The following GALNTL6 variants were observed in gnomAD, a reference collection of about 807,000 sequenced individuals.
The protein encoded by GALNTL6 is polypeptide N-acetylgalactosaminyltransferase like 6, also known as polypeptide N-acetylgalactosaminyltransferase-like 6.
In GALNTL6, 46 loss-of-function variants were observed where a neutral mutation model predicts 73.7. The observed-to-expected ratio is 0.62, with a 90% CI of 0.49 to 0.80. GALNTL6 has a LOEUF of 0.80. Among genes scored for constraint, GALNTL6 ranks in the 30% least tolerant of loss-of-function variants. GALNTL6 has a pLI of 0.00. For synonymous variants in GALNTL6, 259 were observed against 263.7 expected, an observed-to-expected ratio of 0.98 and a Z score of 0.17; for missense variants, 604 against 755.0, an observed-to-expected ratio of 0.80 and a Z score of 2.34.
At chr4:172,340,495 C>T (rs910933080) in intron 4 of GALNTL6, among the ~76,000 whole-genome samples, 11 of 151,990 alleles carry the variant, frequency 7.2e-5, no homozygotes, top group South Asian at 2.1e-4. Context: ...ATCAGGGTAG[C>T]GCTGGCCTCA....
intron 5 of GALNTL6, among the ~76,000 whole-genome samples, chr4:172,398,491 T>G (rs143950677): frequency 6.6e-6 from 1 of 152,310 alleles, no homozygotes; most frequent in Non-Finnish European, 1.5e-5. Context: ...TTTAATCCGT[T>G]AGAGACCGGC....
At chr4:172,503,232 T>A (rs1263500558) in intron 5 of GALNTL6, among the ~76,000 whole-genome samples, 1 of 152,080 alleles carries the variant, frequency 6.6e-6, no homozygotes, top group Admixed American at 6.6e-5. Flanking sequence ...AATTGGCCAT[T>A]AGCTTTAAAG....
chr4:172,707,515 A>G (rs1012542422), intron 5 of GALNTL6, among the ~76,000 whole-genome samples: 1 of 152,232 alleles, frequency 6.6e-6, no homozygotes, highest in Non-Finnish European at 1.5e-5. Context: ...TAAATCCAAA[A>G]GAAAGGTATT....
At chr4:172,770,786 C>G (rs759687813) in intron 5 of GALNTL6, among the ~76,000 whole-genome samples, 3 of 152,114 alleles carry the variant, frequency 2.0e-5, no homozygotes, top group Non-Finnish European at 4.4e-5. Flanking sequence ...CTAAGTAAAA[C>G]TATTGATCTT....
rs200385465 is a variant in GALNTL6, at chr4:172,994,975, GAA to G, written c.1372-14202_1372-14201del. On this transcript the variant is annotated intron_variant, in intron 10 of 12. Transcript: ENST00000506823. ...ACCATCTGACCTGACTTCAAAGGGA[GAA>G]TTATTTTATCTAGACACCATATTGT... Among the ~76,000 whole-genome samples, 1,074 of 152,282 alleles carry G rather than the reference GAA, an allele frequency of 7.1e-3. 17 individuals are homozygous for G. Among genetic ancestry groups the G allele is most frequent in the African/African-American group, 0.022 (932 of 41,536 alleles).
chr4:172,670,922 C>T (rs1394013384), intron 5 of GALNTL6, among the ~76,000 whole-genome samples: 1 of 152,018 alleles, frequency 6.6e-6, no homozygotes, highest in African/African-American at 2.4e-5. Flanking sequence ...TTCCTTATTG[C>T]TTGTTTTTGT....
chr4:172,637,408 A>C (rs1311340446), intron 5 of GALNTL6, among the ~76,000 whole-genome samples: 1 of 152,194 alleles, frequency 6.6e-6, no homozygotes, highest in African/African-American at 2.4e-5. Flanking sequence ...CATTCCTGTC[A>C]TGGAACATTT....
At chr4:172,066,965 A>C (rs7664908) in intron 2 of GALNTL6, among the ~76,000 whole-genome samples, 53 of 151,908 alleles carry the variant, frequency 3.5e-4, no homozygotes, top group African/African-American at 1.2e-3. Context: ...TCCCTGGGCT[A>C]TCCATGAACG....
intron 3 of GALNTL6, among the ~76,000 whole-genome samples, chr4:172,282,480 G>A (rs1739095786): frequency 6.6e-6 from 1 of 152,154 alleles, no homozygotes; most frequent in South Asian, 2.1e-4. Context: ...CTGTCTACTT[G>A]AGAAACAGAG....
At chr4:172,345,569 G>A (rs1393044103) in intron 4 of GALNTL6, among the ~76,000 whole-genome samples, 1 of 152,138 alleles carries the variant, frequency 6.6e-6, no homozygotes, top group East Asian at 1.9e-4. Context: ...ACATAAATAA[G>A]AGTGTTGCCT....
At chr4:173,023,931 C>A (rs1056745278) in intron 12 of GALNTL6, among the ~76,000 whole-genome samples, 2 of 152,016 alleles carry the variant, frequency 1.3e-5, no homozygotes, top group East Asian at 1.9e-4. Context: ...TTACTTTCTG[C>A]GCACATCGAT....
intron 5 of GALNTL6, among the ~76,000 whole-genome samples, chr4:172,781,992 G>A (rs1386107270): frequency 1.3e-5 from 2 of 151,170 alleles, no homozygotes; most frequent in Non-Finnish European, 2.9e-5. Flanking sequence ...CCTATCTAAG[G>A]CTTGAGTCTT....
intron 5 of GALNTL6, among the ~76,000 whole-genome samples, chr4:172,800,122 A>G (rs1740544793): frequency 6.6e-6 from 1 of 152,074 alleles, no homozygotes; most frequent in African/African-American, 2.4e-5. Flanking sequence ...GGGGAGAGAG[A>G]AATGGGGAGT....
intron 2 of GALNTL6, among the ~76,000 whole-genome samples, chr4:171,951,611 C>CATAAGTATAT (rs5864101): frequency 6.6e-6 from 1 of 151,886 alleles, no homozygotes; most frequent in Non-Finnish European, 1.5e-5. Flanking sequence ...TAATTAAGCA[C>CATAAGTATAT]TTTTAAAAAT....
At chr4:171,948,505 A>ATG (rs1738771225) in intron 2 of GALNTL6, among the ~76,000 whole-genome samples, 1 of 152,228 alleles carries the variant, frequency 6.6e-6, no homozygotes, top group East Asian at 1.9e-4. Flanking sequence ...AAGTTTTGAA[A>ATG]TGTGTGTGTG....
chr4:172,735,997 G>T (rs1409555605), intron 5 of GALNTL6, among the ~76,000 whole-genome samples: 1 of 152,184 alleles, frequency 6.6e-6, no homozygotes, highest in African/African-American at 2.4e-5. Flanking sequence ...GGGTCACAGA[G>T]ATCACATGCT....
chr4:173,039,536 G>A (rs752564345), intron 12 of GALNTL6, among the ~76,000 whole-genome samples: 1 of 152,086 alleles, frequency 6.6e-6, no homozygotes, highest in Non-Finnish European at 1.5e-5. Flanking sequence ...AATTTTTTGT[G>A]TATGTGTTTC....
chr4:171,933,907 C>A (rs189531762), intron 2 of GALNTL6, among the ~76,000 whole-genome samples: 14 of 152,212 alleles, frequency 9.2e-5, no homozygotes, highest in Non-Finnish European at 1.5e-4. Context: ...TTTGGAAACA[C>A]ATTAAAGATT....
chr4:171,957,652 C>A (rs1328633427), intron 2 of GALNTL6, among the ~76,000 whole-genome samples: 1 of 152,186 alleles, frequency 6.6e-6, no homozygotes, highest in Non-Finnish European at 1.5e-5. Flanking sequence ...GGAATTCTAA[C>A]TCTTTAATTT....
Sources: gnomAD v4.1 joint callset for allele counts (sites outside exome capture counted in the v4.1 genomes callset) on GRCh38, gnomAD v4.1.1 for gene constraint, MANE v1.5 for transcripts, NCBI Gene and HGNC (gene_info 2026-07-23, HGNC 2026-07-21) for gene names.